IFT74: variants seen among roughly 807,000 people sequenced by gnomAD.
The protein encoded by IFT74 is intraflagellar transport 74.
A neutral mutation model predicts 96.7 loss-of-function variants in IFT74; 92 were observed. The ratio of observed to expected loss-of-function variants is 0.95; its 90% CI spans 0.80 to 1.13. The LOEUF is 1.13. Among genes scored for constraint, IFT74 ranks in the 50% most tolerant of loss-of-function variants. The pLI is 0.00. For synonymous variants in IFT74, 223 were observed against 213.2 expected (o/e 1.05, Z -0.40); for missense variants, 811 against 698.2 (o/e 1.16, Z -1.82).
rs758312363 is a variant in IFT74, at chr9:26,984,577, A to G, written c.465+18A>G. On this transcript the variant is annotated intron_variant, in intron 6 of 19. Transcript: ENST00000380062. ...ACAACATGGTATTTTATCTTTTCTA[A>G]GAGAATTTACTGTTAATATTTTCAT... 1 of 1,584,220 alleles carries G rather than the reference A, an allele frequency of 6.3e-7. No individual in the cohort carries two copies.
chr9:26,961,083 GTT>G (rs1349288699), intron 1 of IFT74, among the ~76,000 whole-genome samples: 23 of 118,440 alleles, frequency 1.9e-4, no homozygotes, highest in Non-Finnish European at 1.2e-4. Context: ...AGTGAATCTT[GTT>G]TTTTTTTTTT....
At chr9:26,999,313 A>C (rs912066996) in intron 8 of IFT74, among the ~76,000 whole-genome samples, 16 of 152,142 alleles carry the variant, frequency 1.1e-4, no homozygotes, top group African/African-American at 3.9e-4. Context: ...TCTCTCATAA[A>C]TATGTGCTTT....
chr9:27,008,540 G>A (rs1340203371), intron 8 of IFT74, among the ~76,000 whole-genome samples: 2 of 151,940 alleles, frequency 1.3e-5, no homozygotes, highest in African/African-American at 4.8e-5. Context: ...TGTACTTTTA[G>A]TAGAGATGGG....
intron 8 of IFT74, among the ~76,000 whole-genome samples, chr9:27,001,585 CTTG>C (rs1370787971): frequency 6.6e-6 from 1 of 151,340 alleles, no homozygotes; most frequent in Non-Finnish European, 1.5e-5. Context: ...TTTCCACATA[CTTG>C]TTTGTCTTTT....
intron 8 of IFT74, among the ~76,000 whole-genome samples, chr9:27,006,520 G>C (rs1828783716): frequency 6.6e-6 from 1 of 151,972 alleles, no homozygotes; most frequent in South Asian, 2.1e-4. Flanking sequence ...TGGGGGGATG[G>C]CTTGAGTTTG....
chr9:26,970,269 G>A (rs1324862689), intron 2 of IFT74, among the ~76,000 whole-genome samples: 1 of 152,102 alleles, frequency 6.6e-6, no homozygotes, highest in Admixed American at 6.5e-5. Context: ...TACAAACAAT[G>A]GAGAAGTATC....
chr9:26,955,980 C>T (rs912356722), upstream of IFT74: 1 of 152,194 alleles, frequency 6.6e-6, no homozygotes, highest in African/African-American at 2.4e-5. Flanking sequence ...AGAATCGCAT[C>T]CATACTTCAT....
intron 3 of IFT74, among the ~76,000 whole-genome samples, chr9:26,979,752 G>T (rs920791208): frequency 8.9e-6 from 1 of 112,500 alleles, no homozygotes; most frequent in South Asian, 3.0e-4. Flanking sequence ...TTTCTCTGTC[G>T]CCCAGGCTGG....
At chr9:27,056,757 A>G (rs1820176881) in intron 18 of IFT74, among the ~76,000 whole-genome samples, 1 of 151,882 alleles carries the variant, frequency 6.6e-6, no homozygotes, top group African/African-American at 2.4e-5. Context: ...GAAACTAAAA[A>G]TCCATAAAAT....
chr9:27,051,085 AG>A (rs1249822848), intron 16 of IFT74, among the ~76,000 whole-genome samples: 3 of 152,194 alleles, frequency 2.0e-5, no homozygotes, highest in Non-Finnish European at 2.9e-5. Flanking sequence ...CTTGATGACA[AG>A]GTATTCCCTC....
At chr9:26,993,838 A>G in intron 8 of IFT74, 1 of 152,196 alleles carries the variant, frequency 6.6e-6, no homozygotes, top group East Asian at 1.9e-4. Context: ...ATAATGAAGA[A>G]AATACCAGAA....
Position 26,948,448 on chromosome 9 carries a change from A to ATTATTTTTTTTTTT in IFT74, c.-20+1304_-20+1305insATTTTTTTTTTTTT, listed in dbSNP as rs1825819541. 8.2e-3 allele frequency among the ~76,000 whole-genome samples: 487 copies of ATTATTTTTTTTTTT among 59,160 alleles called. 50 individuals are homozygous for ATTATTTTTTTTTTT. Among genetic ancestry groups the ATTATTTTTTTTTTT allele is most frequent in the Non-Finnish European group, 0.014 (365 of 26,078 alleles). The allele number at this position is 59,160 out of a possible 152,430, so 38.8% of individuals were successfully genotyped here. A position where few individuals can be genotyped will look rare whatever the true frequency, so the allele number is the denominator to read the frequency against. Reference sequence around the variant, plus strand: ...TGACAACCTGTGATGGCTTTCCATTATTTTTTTTTTTTTTTTTTTTTTTTT... The same window carrying ATTATTTTTTTTTTT: ...TGACAACCTGTGATGGCTTTCCATTATTATTTTTTTTTTTTTTTTTTTTTTTTTTTTTTTTTTTT... On this transcript the variant is annotated intron_variant, in intron 1 of 19. Transcript: ENST00000433700.
At chr9:26,954,274 C>T (rs951305873), upstream of IFT74, among the ~76,000 whole-genome samples, 9 of 152,284 alleles carry the variant, frequency 5.9e-5, no homozygotes, top group African/African-American at 2.2e-4. Context: ...AAACTTAAAA[C>T]GGAATCACAA....
chr9:26,991,277 G>C (rs887988884), intron 8 of IFT74, among the ~76,000 whole-genome samples: 4 of 152,152 alleles, frequency 2.6e-5, no homozygotes, highest in Non-Finnish European at 5.9e-5. Flanking sequence ...TTGCTGAATT[G>C]AAGTGACATG....
chr9:26,977,162 A>T (rs1456682005), intron 2 of IFT74, among the ~76,000 whole-genome samples: 1 of 151,996 alleles, frequency 6.6e-6, no homozygotes, highest in Non-Finnish European at 1.5e-5. Flanking sequence ...TTGTTTTTTT[A>T]AAAGACGGTC....
chr9:27,030,053 T>C (rs140300258), intron 13 of IFT74, among the ~76,000 whole-genome samples: 13 of 152,214 alleles, frequency 8.5e-5, no homozygotes, highest in Middle Eastern at 3.4e-3. Flanking sequence ...TTGTTATTTA[T>C]GGTTAAAGGA....
chr9:26,974,666 C>T (rs551119678), intron 2 of IFT74, among the ~76,000 whole-genome samples: 21 of 152,224 alleles, frequency 1.4e-4, no homozygotes, highest in African/African-American at 5.1e-4. Flanking sequence ...AGAGTATTCA[C>T]GTTTCCAAAT....
chr9:26,988,302 T>G (rs562564947), intron 6 of IFT74, among the ~76,000 whole-genome samples: 1 of 152,286 alleles, frequency 6.6e-6, no homozygotes, highest in South Asian at 2.1e-4. Flanking sequence ...CTTGGGGATG[T>G]TGGCAGGGGA....
chr9:27,029,385 A>C (rs1224192484), intron 13 of IFT74, among the ~76,000 whole-genome samples: 1 of 152,090 alleles, frequency 6.6e-6, no homozygotes, highest in Non-Finnish European at 1.5e-5. Flanking sequence ...TAAAGTTGTT[A>C]GAGATTCCTA....
Sources: gnomAD v4.1 joint callset for allele counts (sites outside exome capture counted in the v4.1 genomes callset) on GRCh38, gnomAD v4.1.1 for gene constraint, MANE v1.5 for transcripts, NCBI Gene and HGNC (gene_info 2026-07-23, HGNC 2026-07-21) for gene names.